CNTN3: variants seen among roughly 807,000 people sequenced by gnomAD.
CNTN3 encodes contactin 3, also known as contactin-3.
CNTN3 carries 60 observed loss-of-function variants against 119.1 expected under a neutral mutation model. The ratio of observed to expected loss-of-function variants is 0.50; its 90% confidence interval spans 0.41 to 0.62. The LOEUF (loss-of-function observed/expected upper bound fraction) is 0.62. Ranked by LOEUF, CNTN3 falls within the 20% of genes least tolerant of loss-of-function variation. The pLI is 0.00. For missense variants in CNTN3, 1,101 were observed against 1,242.4 expected, an observed-to-expected ratio of 0.89 and a Z score of 1.71; for synonymous variants, 450 against 438.7, an observed-to-expected ratio of 1.03 and a Z score of -0.32.
intron 4 of CNTN3, among the ~76,000 whole-genome samples, chr3:74,441,724 G>T (rs987077495): frequency 6.6e-6 from 1 of 152,102 alleles, no homozygotes; most frequent in Non-Finnish European, 1.5e-5. Flanking sequence ...CTTATTAAAT[G>T]GGTGGTATTA....
chr3:74,310,602 C>T (rs892648107), intron 13 of CNTN3, among the ~76,000 whole-genome samples: 1 of 152,078 alleles, frequency 6.6e-6, no homozygotes, highest in Non-Finnish European at 1.5e-5. Context: ...TGGCTGGATA[C>T]CAAGAGTAAT....
At chr3:74,449,400 G>C (rs981788315) in intron 4 of CNTN3, among the ~76,000 whole-genome samples, 1 of 146,918 alleles carries the variant, frequency 6.8e-6, no homozygotes, top group East Asian at 2.5e-4. Context: ...CATCTCTGCT[G>C]AATCAAAAAA....
chr3:74,266,759 A>G (rs1251864961), intron 21 of CNTN3, 110 bp from the exon 22 acceptor site: 1 of 897,816 alleles, frequency 1.1e-6, no homozygotes, highest in African/African-American at 1.7e-5. Flanking sequence ...ATCCACTAGA[A>G]TGTAAGTTTC....
chr3:74,482,882 GT>G (rs768477974), intron 4 of CNTN3, among the ~76,000 whole-genome samples: 5 of 152,118 alleles, frequency 3.3e-5, no homozygotes, highest in Non-Finnish European at 5.9e-5. Context: ...AGGCTATGAA[GT>G]TAAAGCAATG....
chr3:74,602,143 G>T (rs973887109), intron 1 of CNTN3, among the ~76,000 whole-genome samples: 1 of 151,502 alleles, frequency 6.6e-6, no homozygotes, highest in East Asian at 2.0e-4. Context: ...TTAAAAATTA[G>T]CCAGGCACGG....
chr3:74,508,818 C>T (rs1703312376), intron 2 of CNTN3, among the ~76,000 whole-genome samples: 1 of 152,174 alleles, frequency 6.6e-6, no homozygotes, highest in South Asian at 2.1e-4. Context: ...TCTCTCCTGC[C>T]ACCAGTGCCC....
chr3:74,266,505 G>C lies in CNTN3; in HGVS notation c.2962C>G (p.Gln988Glu), dbSNP rs769339357. Residue 988 changes from glutamine to glutamate, a missense_variant, in exon 22 of 23, where the codon CAG becomes GAG. By Grantham distance (29) the Gln-to-Glu change is conservative (BLOSUM62 2). Coordinates refer to ENST00000263665, the MANE Select transcript of CNTN3 (RefSeq NM_020872.3). ...CTGGTTATTCGTGGAATCCTGATCT[G>C]TTCACTACTGGTCCCATCCCCTCCA... The part of the protein sequence containing the change: ...TDGGDGTSSE[Q>E]IRIPRITSMD... 1 of 1,613,370 alleles carries C rather than the reference G, an allele frequency of 6.2e-7. No homozygotes were observed. Among genetic ancestry groups the C allele is most frequent in the Non-Finnish European group, 8.5e-7 (1 of 1,179,476 alleles).
rs975528609 is a variant in CNTN3 at position 74,342,483 on chromosome 3, C to A, written c.1365-5825G>T. On this transcript the variant is annotated intron_variant, in intron 11 of 22. Transcript: ENST00000263665. ...AATTAACCTAACTTTGAGTAAGTAC[C>A]AGGCTAATAACAAGCAGCTCTGTGA... is the stretch of plus-strand genomic sequence containing the variant. 3.3e-5 allele frequency among the ~76,000 whole-genome samples: 5 copies of A among 152,068 alleles called. No individual in the cohort carries two copies. In the South Asian group the frequency reaches 8.3e-4, roughly 25 times the overall value.
chr3:74,557,700 G>A (rs764824176), intron 1 of CNTN3, among the ~76,000 whole-genome samples: 1 of 144,978 alleles, frequency 6.9e-6, no homozygotes, highest in Non-Finnish European at 1.5e-5. Context: ...GTCACTTCAG[G>A]CTTCTCATGC....
chr3:74,552,023 CAA>C (rs1046179506), intron 1 of CNTN3, among the ~76,000 whole-genome samples: 5 of 152,036 alleles, frequency 3.3e-5, no homozygotes, highest in Admixed American at 2.6e-4. Flanking sequence ...CTCGGCCTCC[CAA>C]AGTGTTGGCA....
intron 11 of CNTN3, among the ~76,000 whole-genome samples, chr3:74,351,919 T>A (rs1306719259): frequency 6.6e-6 from 1 of 152,168 alleles, no homozygotes; most frequent in Admixed American, 6.5e-5. Flanking sequence ...TTTTTCCAGC[T>A]GAAAGCAGAA....
At position 74,591,892 on chromosome 3, in the gene CNTN3, T is replaced by A. The variant is rs1044573995; in HGVS notation, c.-81+22499A>T. ...AGCCCAAGGAAGACAGGATAGATAATCAGGACACAGAAGCACCAGAGATGT... is the reference window on the plus strand; with the variant it reads ...AGCCCAAGGAAGACAGGATAGATAAACAGGACACAGAAGCACCAGAGATGT... On this transcript the variant is annotated intron_variant, in intron 1 of 22. Transcript: ENST00000263665. Among the ~76,000 whole-genome samples, 3 of 151,628 alleles carry A rather than the reference T, an allele frequency of 2.0e-5. No homozygotes were observed. The East Asian group carries it at 5.8e-4, about 30-fold the overall frequency.
intron 20 of CNTN3, among the ~76,000 whole-genome samples, chr3:74,269,662 A>G (rs1282912631): frequency 6.6e-6 from 1 of 152,204 alleles, no homozygotes; most frequent in Non-Finnish European, 1.5e-5. Context: ...ATTTACCTAT[A>G]ATGAAATATT....
intron 13 of CNTN3, among the ~76,000 whole-genome samples, chr3:74,312,426 A>G: frequency 7.6e-6 from 1 of 131,826 alleles, no homozygotes; most frequent in African/African-American, 3.0e-5. Flanking sequence ...ACTGCACTCC[A>G]GCCTGGGTGA....
At chr3:74,594,186 G>C (rs1704752068) in intron 1 of CNTN3, among the ~76,000 whole-genome samples, 2 of 150,984 alleles carry the variant, frequency 1.3e-5, no homozygotes, top group Admixed American at 6.6e-5. Context: ...CTCTAGAGTT[G>C]TTTGCTAATG....
At chr3:74,448,631 G>A (rs986679352) in intron 4 of CNTN3, among the ~76,000 whole-genome samples, 9 of 151,982 alleles carry the variant, frequency 5.9e-5, no homozygotes, top group South Asian at 2.1e-4. Flanking sequence ...GGAGAACAAC[G>A]TTGCATACAT....
intron 3 of CNTN3, among the ~76,000 whole-genome samples, chr3:74,495,804 T>C (rs970261039): frequency 6.6e-6 from 1 of 152,062 alleles, no homozygotes; most frequent in African/African-American, 2.4e-5. Flanking sequence ...CACTTTGCAA[T>C]GATATTTAGC....
At chr3:74,451,141 G>A (rs1051741632) in intron 4 of CNTN3, among the ~76,000 whole-genome samples, 7 of 152,056 alleles carry the variant, frequency 4.6e-5, no homozygotes, top group African/African-American at 1.7e-4. Context: ...CAGTGTCAAA[G>A]TGTTCCTATT....
chr3:74,336,769 G>A, intron 11 of CNTN3, 111 bp from the exon 12 acceptor site: 7 of 757,372 alleles, frequency 9.2e-6, no homozygotes, highest in East Asian at 3.1e-5. Flanking sequence ...TTTAAGGCAT[G>A]ATCAACCAGT....
Sources: allele counts gnomAD v4.1 joint callset (sites outside exome capture counted in the v4.1 genomes callset), GRCh38; gene constraint gnomAD v4.1.1; transcripts MANE v1.5; gene names NCBI Gene and HGNC (gene_info 2026-07-23, HGNC 2026-07-21).